PCDHGB6: variants seen among roughly 807,000 people sequenced by gnomAD.
The protein encoded by PCDHGB6 is protocadherin gamma subfamily B, 6, also known as protocadherin gamma-B6.
Under a neutral mutation model 59.1 loss-of-function variants are expected in PCDHGB6, and 51 were observed. The ratio of observed to expected loss-of-function variants is 0.86; its 90% CI spans 0.69 to 1.09. PCDHGB6 has a LOEUF of 1.09. Among genes scored for constraint, PCDHGB6 ranks in the 50% least tolerant of loss-of-function variants. The probability of loss-of-function intolerance (pLI) is 0.00; values close to 1 mark genes in which losing one functional copy is unlikely to be tolerated. For synonymous variants in PCDHGB6, 466 were observed against 495.1 expected (o/e 0.94, Z 0.78); for missense variants, 1,148 against 1,205.1 (o/e 0.95, Z 0.70).
chr5:141,491,022 C>T lies in PCDHGB6; in HGVS notation c.2419-3785C>T, dbSNP rs1431293281. 6.8e-6 allele frequency: 11 copies of T among 1,614,116 alleles called. No homozygotes were observed. Among genetic ancestry groups the T allele is most frequent in the East Asian group, 2.2e-5 (1 of 44,886 alleles). On this transcript the variant is annotated intron_variant, in intron 1 of 3. Coordinates refer to ENST00000520790, the MANE Select transcript of PCDHGB6 (RefSeq NM_018926.3). The surrounding 1 kb of genome is among the most constrained non-coding windows in gnomAD (Gnocchi z 6.9). ...GCTCCTTGGTCACCAAGGTGACAGCCGTGGATGCTGATGCAGGCCACAATG... is the reference window on the plus strand; with the variant it reads ...GCTCCTTGGTCACCAAGGTGACAGCTGTGGATGCTGATGCAGGCCACAATG...
At chr5:141,423,758 G>GGGC (rs1554116874) in intron 1 of PCDHGB6, 82 of 366,752 alleles carry the variant, frequency 2.2e-4, no homozygotes, top group Middle Eastern at 4.2e-4. Context: ...TTTGGGGGGG[G>GGGC]GGTGGGGCGG....
chr5:141,453,796 T>C (rs1592274016), intron 1 of PCDHGB6, among the ~76,000 whole-genome samples: 1 of 152,242 alleles, frequency 6.6e-6, no homozygotes, highest in East Asian at 1.9e-4. Context: ...ATATTAACTT[T>C]GAGTAGTTCC....
intron 1 of PCDHGB6, among the ~76,000 whole-genome samples, chr5:141,464,077 C>T (rs891173261): frequency 1.3e-5 from 2 of 151,950 alleles, no homozygotes; most frequent in African/African-American, 4.8e-5. Context: ...CCAGCCTGGC[C>T]AACATGGTGA....
chr5:141,444,915 T>C (rs1262912255), intron 1 of PCDHGB6, among the ~76,000 whole-genome samples: 1 of 152,174 alleles, frequency 6.6e-6, no homozygotes, highest in East Asian at 1.9e-4. Flanking sequence ...TCTATACCTT[T>C]ATCAGGGAAA....
In PCDHGB6 at chr5:141,410,274, A is replaced by G; in HGVS notation, c.2072A>G (p.Tyr691Cys). The change falls in exon 1 of 4, where the codon TAC becomes TGC. Residue 691 changes from tyrosine (Y) to cysteine (C), a missense_variant. Around this residue, in one of 5 missense-constraint regions of PCDHGB6, gnomAD observed 283 missense variants for 318.6 expected, o/e 0.89. Transcript: ENST00000520790. Reference protein sequence around the residue: ...LSDPQAELQFYLVVALALISV... With the variant: ...LSDPQAELQFCLVVALALISV... Reference sequence around the variant, plus strand: ...GACCCCCAGGCTGAACTGCAGTTTTACCTGGTGGTGGCCTTGGCCTTAATC... The same window carrying G: ...GACCCCCAGGCTGAACTGCAGTTTTGCCTGGTGGTGGCCTTGGCCTTAATC... The G allele has an allele frequency of 4.3e-6, 7 of 1,613,948 alleles. No individual in the cohort carries two copies. The highest frequency in any genetic ancestry group is 5.9e-6 in the Non-Finnish European group (7 of 1,179,890).
chr5:141,467,681 A>G (rs2099148744), intron 1 of PCDHGB6, among the ~76,000 whole-genome samples: 1 of 152,076 alleles, frequency 6.6e-6, no homozygotes, highest in African/African-American at 2.4e-5. Flanking sequence ...TATTTTTTTT[A>G]GACAGGGTCT....
At chr5:141,427,529 G>A (rs1464520351) in intron 1 of PCDHGB6, 1 of 619,898 alleles carries the variant, frequency 1.6e-6, no homozygotes, top group African/African-American at 1.8e-5. Context: ...GGATCCCGGA[G>A]TACAACGTCA....
intron 2 of PCDHGB6, among the ~76,000 whole-genome samples, chr5:141,501,988 T>C (rs2099812189): frequency 6.6e-6 from 1 of 152,056 alleles, no homozygotes; most frequent in Non-Finnish European, 1.5e-5. Flanking sequence ...GGTCCCGTTG[T>C]CTCCCTGACA....
At chr5:141,445,254 AAT>A (rs1214840265) in intron 1 of PCDHGB6, among the ~76,000 whole-genome samples, 49 of 152,350 alleles carry the variant, frequency 3.2e-4, no homozygotes, top group Non-Finnish European at 5.9e-5. Context: ...ATTGTGTGAG[AAT>A]ATAAGTCGAA....
At chr5:141,429,388 A>T (rs6890453) in intron 1 of PCDHGB6, among the ~76,000 whole-genome samples, 24,714 of 140,916 alleles carry the variant, frequency 0.18, 2,276 homozygotes, top group African/African-American at 0.28. Flanking sequence ...TTTTTTTTTT[A>T]AAAAAAATTG....
At position 141,491,660 on chromosome 5, in the gene PCDHGB6, C is replaced by A; in HGVS notation, c.2419-3147C>A. ...ACAGCTCTGGCGCTGGAGCCTGACGCCATCCGGTCCCGCTCTAATACGCTG... is the reference window on the plus strand; with the variant it reads ...ACAGCTCTGGCGCTGGAGCCTGACGACATCCGGTCCCGCTCTAATACGCTG... On this transcript the variant is annotated intron_variant, in intron 1 of 3. Transcript: ENST00000520790. The surrounding 1 kb of genome is among the most constrained non-coding windows in gnomAD (Gnocchi z 6.9). The A allele has an allele frequency of 6.2e-7, 1 of 1,613,810 alleles. No individual in the cohort carries two copies. The highest frequency in any genetic ancestry group is 8.5e-7 in the Non-Finnish European group (1 of 1,180,008).
Position 141,410,254 on chromosome 5 carries a change from C to G in PCDHGB6, c.2052C>G (p.Pro684=). 1 of 1,614,020 alleles carries G rather than the reference C, an allele frequency of 6.2e-7. No homozygotes were observed. Among genetic ancestry groups the G allele is most frequent in the Non-Finnish European group, 8.5e-7 (1 of 1,179,904 alleles). The change falls in exon 1 of 4, where the codon CCC becomes CCG. Residue 684 remains proline (P), a synonymous_variant. Transcript: ENST00000520790. Reference sequence around the variant, plus strand: ...GCGACCGCCCTGTACTCTCTGACCCCCAGGCTGAACTGCAGTTTTACCTGG... The same window carrying G: ...GCGACCGCCCTGTACTCTCTGACCCGCAGGCTGAACTGCAGTTTTACCTGG... The part of the protein sequence containing the change: ...DLSDRPVLSD[P]QAELQFYLVV...
chr5:141,415,130 A>G (rs2095833213), intron 1 of PCDHGB6: 3 of 1,613,636 alleles, frequency 1.9e-6, no homozygotes, highest in South Asian at 1.1e-5. Flanking sequence ...GCCGTCCAGG[A>G]CCACGGCCAG....
In PCDHGB6 at chr5:141,415,247, C is replaced by T. The variant is rs181239359; in HGVS notation, c.2418+4627C>T. The stretch of plus-strand genomic sequence containing the variant: ...GAGTCTCCAGCTAACTCTGAAACCT[C>T]AGACCTCACTCTGTACCTGGTGGTA... On this transcript the variant is annotated intron_variant, in intron 1 of 3. Transcript: ENST00000520790. 958 of 1,614,210 alleles carry T rather than the reference C, an allele frequency of 5.9e-4. 13 individuals are homozygous for T. The East Asian group carries it at 0.015, about 25-fold the overall frequency.
Position 141,409,690 on chromosome 5 carries a change from A to G in PCDHGB6, c.1488A>G (p.Leu496=). ...HISYSIVASD[L]EPLAVSSYVS... ...CCTACTCTATAGTGGCGAGTGACCT[A>G]GAGCCCCTGGCGGTGTCGTCATACG... The change falls in exon 1 of 4, where the codon CTA becomes CTG. Residue 496 remains leucine, a synonymous_variant. Coordinates refer to ENST00000520790, the MANE Select transcript of PCDHGB6 (RefSeq NM_018926.3). 6.2e-7 allele frequency: 1 copy of G among 1,613,354 alleles called. No homozygotes were observed.
chr5:141,438,895 A>C (rs2098073582), intron 1 of PCDHGB6, among the ~76,000 whole-genome samples: 1 of 151,640 alleles, frequency 6.6e-6, no homozygotes, highest in Non-Finnish European at 1.5e-5. Flanking sequence ...TGAACTCCTG[A>C]CCTCAGGTGA....
Position 141,485,754 on chromosome 5 carries a change from T to A in PCDHGB6, c.2419-9053T>A, listed in dbSNP as rs770807249. ...AGCGACGGCAGCCTGGTCCCAGAGC[T>A]GCTCCTGGAGAAGCCTTTGGATCGA... On this transcript the variant is annotated intron_variant, in intron 1 of 3. Transcript: ENST00000520790. This position sits in a 1 kb window ranked among gnomAD's most constrained non-coding sequence, Gnocchi z 5.7. 1 of 1,614,236 alleles carries A rather than the reference T, an allele frequency of 6.2e-7. No individual in the cohort carries two copies. The highest frequency in any genetic ancestry group is 8.5e-7 in the Non-Finnish European group (1 of 1,180,044).
chr5:141,414,958 G>T, intron 1 of PCDHGB6: 2 of 1,614,024 alleles, frequency 1.2e-6, no homozygotes, highest in East Asian at 2.2e-5. Context: ...GGTGACCAAG[G>T]TGGTGGCGGT....
At chr5:141,492,703 G>A (rs2099743198) in intron 1 of PCDHGB6, among the ~76,000 whole-genome samples, 1 of 152,246 alleles carries the variant, frequency 6.6e-6, no homozygotes, top group Non-Finnish European at 1.5e-5. Flanking sequence ...CAACCCAGAA[G>A]CCTCGAGCAG....
Sources: gnomAD v4.1 joint callset for allele counts (sites outside exome capture counted in the v4.1 genomes callset) on GRCh38, gnomAD v4.1.1 for gene constraint, gnomAD v4.1.1 regional missense constraint, Gnocchi (gnomAD v3.1) non-coding constraint, MANE v1.5 for transcripts, NCBI Gene and HGNC (gene_info 2026-07-23, HGNC 2026-07-21) for gene names.